MTMR7: variants seen among roughly 807,000 people sequenced by gnomAD.
MTMR7 encodes phosphatidylinositol-3-phosphate phosphatase MTMR7.
A neutral mutation model predicts 81.2 loss-of-function variants in MTMR7; 76 were observed. That is an observed-to-expected ratio of 0.94 (90% confidence interval 0.78 to 1.13). MTMR7 has a LOEUF of 1.13. Among genes scored for constraint, MTMR7 ranks in the 50% most tolerant of loss-of-function variants. The pLI is 0.00. For synonymous variants in MTMR7, 372 were observed against 289.8 expected, an observed-to-expected ratio of 1.28 and a Z score of -2.88; for missense variants, 1,044 against 820.0, an observed-to-expected ratio of 1.27 and a Z score of -3.34.
At chr8:17,396,746 G>C (rs1286750989) in intron 1 of MTMR7, among the ~76,000 whole-genome samples, 1 of 151,894 alleles carries the variant, frequency 6.6e-6, no homozygotes, top group Non-Finnish European at 1.5e-5. Flanking sequence ...ACACAAGCTG[G>C]GGTGGCTAAG....
At chr8:17,344,356 A>C (rs1819493243) in intron 5 of MTMR7, among the ~76,000 whole-genome samples, 1 of 152,228 alleles carries the variant, frequency 6.6e-6, no homozygotes, top group Non-Finnish European at 1.5e-5. Flanking sequence ...TCATGCCTGT[A>C]ATCCCAGCAC....
chr8:17,385,041 G>C (rs545981090), intron 1 of MTMR7, among the ~76,000 whole-genome samples: 4 of 152,274 alleles, frequency 2.6e-5, no homozygotes, highest in African/African-American at 7.2e-5. Context: ...GATATATCTG[G>C]GAGGCATGCA....
chr8:17,300,344 A>G, intron 13 of MTMR7, 120 bp from the exon 14 acceptor site: 2 of 1,134,946 alleles, frequency 1.8e-6, no homozygotes, highest in Non-Finnish European at 1.2e-6. Context: ...CATGTGACTC[A>G]GAGGGATGTG....
At chr8:17,378,254 C>G (rs528698203) in intron 1 of MTMR7, among the ~76,000 whole-genome samples, 2 of 152,036 alleles carry the variant, frequency 1.3e-5, no homozygotes, top group African/African-American at 4.8e-5. Flanking sequence ...AGGGGAACAC[C>G]AACAGTATGA....
intron 7 of MTMR7, among the ~76,000 whole-genome samples, chr8:17,327,273 C>A (rs1818731101): frequency 6.6e-6 from 1 of 151,960 alleles, no homozygotes; most frequent in Admixed American, 6.6e-5. Context: ...ATGTCTATAT[C>A]TTATTTTATT....
At chr8:17,343,506 G>A (rs529623025) in intron 5 of MTMR7, among the ~76,000 whole-genome samples, 1 of 152,150 alleles carries the variant, frequency 6.6e-6, no homozygotes, top group Admixed American at 6.5e-5. Flanking sequence ...AGATGGGGAT[G>A]GTAACACATT....
chr8:17,408,395 CAAAAA>C (rs530240881), intron 1 of MTMR7, among the ~76,000 whole-genome samples: 3 of 23,510 alleles, frequency 1.3e-4, no homozygotes, highest in South Asian at 1.9e-3. Flanking sequence ...GACTCCGTCT[CAAAAA>C]AAAAAAAAAA....
At chr8:17,352,659 A>G (rs1819761981) in intron 4 of MTMR7, among the ~76,000 whole-genome samples, 1 of 152,212 alleles carries the variant, frequency 6.6e-6, no homozygotes, top group African/African-American at 2.4e-5. Context: ...AAAGTGAAAA[A>G]GCAACCTACA....
At chr8:17,365,929 C>T (rs1210157497) in intron 3 of MTMR7, among the ~76,000 whole-genome samples, 1 of 152,174 alleles carries the variant, frequency 6.6e-6, no homozygotes, top group East Asian at 1.9e-4. Context: ...AAAGCATGAG[C>T]TCAACCCAAA....
chr8:17,307,889 G>A lies in MTMR7; in HGVS notation c.1151+1388C>T, dbSNP rs532546777. Reference sequence around the variant, plus strand: ...ACATCACACACCGGGGACTGTTGTGGGGTGGCGGGAGGGGGGAGGGATAGC... The same window carrying A: ...ACATCACACACCGGGGACTGTTGTGAGGTGGCGGGAGGGGGGAGGGATAGC... On this transcript the variant is annotated intron_variant, in intron 10 of 13. Coordinates refer to ENST00000180173, the MANE Select transcript of MTMR7 (RefSeq NM_004686.5). Among the ~76,000 whole-genome samples the A allele has an allele frequency of 4.6e-5, 7 of 151,768 alleles. No homozygotes were observed. The South Asian group carries it at 1.2e-3, about 27-fold the overall frequency.
At chr8:17,378,785 T>A (rs1028123170) in intron 1 of MTMR7, among the ~76,000 whole-genome samples, 2 of 152,258 alleles carry the variant, frequency 1.3e-5, no homozygotes, top group Non-Finnish European at 2.9e-5. Context: ...AGCTATTGTG[T>A]CATTTCATTG....
At chr8:17,382,553 T>C (rs1442317467) in intron 1 of MTMR7, among the ~76,000 whole-genome samples, 1 of 152,208 alleles carries the variant, frequency 6.6e-6, no homozygotes, top group African/African-American at 2.4e-5. Context: ...TTAAAATCTA[T>C]TTAGCACATC....
At chr8:17,335,547 T>G (rs1319866825) in intron 6 of MTMR7, among the ~76,000 whole-genome samples, 1 of 152,172 alleles carries the variant, frequency 6.6e-6, no homozygotes, top group Non-Finnish European at 1.5e-5. Context: ...GTGCCTACGC[T>G]GACATGGTTG....
chr8:17,313,044 C>A (rs2150490302), intron 8 of MTMR7, among the ~76,000 whole-genome samples: 1 of 152,334 alleles, frequency 6.6e-6, no homozygotes. Context: ...CAGGATTAAG[C>A]CTAATGGAAG....
intron 1 of MTMR7, among the ~76,000 whole-genome samples, chr8:17,393,613 T>C (rs536891639): frequency 6.6e-6 from 1 of 152,230 alleles, no homozygotes; most frequent in South Asian, 2.1e-4. Flanking sequence ...AAACCAAACA[T>C]TGCATGTTTT....
chr8:17,315,256 T>G (rs1818002042), intron 7 of MTMR7, among the ~76,000 whole-genome samples: 1 of 152,238 alleles, frequency 6.6e-6, no homozygotes, highest in Non-Finnish European at 1.5e-5. Flanking sequence ...GGCTACATAT[T>G]ATATGATGTC....
chr8:17,310,691 G>C (rs1817735452), intron 9 of MTMR7, among the ~76,000 whole-genome samples: 1 of 152,150 alleles, frequency 6.6e-6, no homozygotes, highest in African/African-American at 2.4e-5. Flanking sequence ...ATCCCAGAGA[G>C]GGAGCCTGCC....
intron 4 of MTMR7, among the ~76,000 whole-genome samples, chr8:17,359,991 C>T (rs1190241074): frequency 2.6e-5 from 4 of 152,010 alleles, no homozygotes. Context: ...GGTATAGTTA[C>T]CAGGATGTTC....
At chr8:17,336,855 G>A (rs748722136) in intron 6 of MTMR7, among the ~76,000 whole-genome samples, 4 of 152,212 alleles carry the variant, frequency 2.6e-5, no homozygotes, top group Non-Finnish European at 5.9e-5. Flanking sequence ...ACGTGGAAAC[G>A]AGGCTCTGCT....
Sources: allele counts gnomAD v4.1 joint callset (sites outside exome capture counted in the v4.1 genomes callset), GRCh38; gene constraint gnomAD v4.1.1; transcripts MANE v1.5; gene names NCBI Gene and HGNC (gene_info 2026-07-23, HGNC 2026-07-21).